The following IQCK variants were observed in gnomAD, a reference collection of about 807,000 sequenced individuals.
The protein encoded by IQCK is IQ domain-containing protein K.
Under a neutral mutation model 28.1 loss-of-function variants are expected in IQCK, and 29 were observed. The ratio of observed to expected loss-of-function variants is 1.03; its 90% CI spans 0.77 to 1.41. The LOEUF (loss-of-function observed/expected upper bound fraction) is 1.41. Ranked by LOEUF, IQCK falls within the 40% of genes most tolerant of loss-of-function variation. IQCK has a pLI of 0.00. For missense variants in IQCK, 359 were observed against 314.7 expected (o/e 1.14, Z -1.07); for synonymous variants, 113 against 115.1 (o/e 0.98, Z 0.12).
intron 6 of IQCK, among the ~76,000 whole-genome samples, chr16:19,767,277 T>C (rs1270868384): frequency 1.3e-5 from 2 of 152,192 alleles, no homozygotes; most frequent in African/African-American, 4.8e-5. Context: ...CCCTCTACCT[T>C]GTTGCGAGGA....
At chr16:19,755,606 G>A (rs907070751) in intron 4 of IQCK, among the ~76,000 whole-genome samples, 8 of 152,148 alleles carry the variant, frequency 5.3e-5, no homozygotes, top group African/African-American at 1.2e-4. Flanking sequence ...AACTAGAACC[G>A]GAACCAGAAC....
chr16:19,852,238 G>A (rs968235891), intron 9 of IQCK, among the ~76,000 whole-genome samples: 1 of 152,042 alleles, frequency 6.6e-6, no homozygotes, highest in Admixed American at 6.6e-5. Flanking sequence ...TTTACCTTTT[G>A]GGGGGTGAAA....
chr16:19,855,500 G>A (rs773152635), intron 9 of IQCK, among the ~76,000 whole-genome samples: 2 of 152,146 alleles, frequency 1.3e-5, no homozygotes, highest in Non-Finnish European at 1.5e-5. Flanking sequence ...CAGGAGAATC[G>A]CTTGAACCTG....
At chr16:19,841,061 T>C (rs1244058044) in intron 9 of IQCK, among the ~76,000 whole-genome samples, 1 of 152,244 alleles carries the variant, frequency 6.6e-6, no homozygotes, top group Non-Finnish European at 1.5e-5. Flanking sequence ...CTAAAGCGTC[T>C]TGCCAGTTTT....
chr16:19,758,324 G>A (rs988491376), intron 4 of IQCK, among the ~76,000 whole-genome samples: 8 of 152,170 alleles, frequency 5.3e-5, no homozygotes, highest in African/African-American at 9.7e-5. Flanking sequence ...TGCACAGCAC[G>A]TCCACGCTTG....
chr16:19,782,996 T>TG (rs1456439078), intron 6 of IQCK, among the ~76,000 whole-genome samples: 27 of 151,124 alleles, frequency 1.8e-4, no homozygotes, highest in Admixed American at 1.1e-3. Flanking sequence ...TTCTTCTTTT[T>TG]TTGTGTGTGT....
intron 4 of IQCK, among the ~76,000 whole-genome samples, chr16:19,757,177 G>A (rs965842670): frequency 1.3e-5 from 2 of 152,142 alleles, no homozygotes; most frequent in African/African-American, 4.8e-5. Flanking sequence ...GCCGTAGCCA[G>A]CCACACTTCA....
intron 9 of IQCK, among the ~76,000 whole-genome samples, chr16:19,849,850 A>G: frequency 6.6e-6 from 1 of 152,174 alleles, no homozygotes; most frequent in Non-Finnish European, 1.5e-5. Context: ...CCCAGTTTAT[A>G]TCTGTTAGGC....
At chr16:19,729,520 A>G (rs980660763) in intron 1 of IQCK, among the ~76,000 whole-genome samples, 7 of 152,004 alleles carry the variant, frequency 4.6e-5, no homozygotes, top group African/African-American at 1.7e-4. Context: ...CATGTTGGCA[A>G]AAGCTGAAGT....
At chr16:19,838,668 G>A (rs940739852) in intron 9 of IQCK, among the ~76,000 whole-genome samples, 4 of 152,210 alleles carry the variant, frequency 2.6e-5, no homozygotes, top group Middle Eastern at 3.4e-3. Flanking sequence ...CCAACTACAC[G>A]CCAGGCACTT....
At chr16:19,764,072 T>G in exon 6 of IQCK, 1 of 1,613,980 alleles carries the variant, frequency 6.2e-7, no homozygotes, top group Non-Finnish European at 8.5e-7. Context: ...ATTCACAGAA[T>G]TTTTCTCCAT....
At chr16:19,740,986 A>G (rs1236668829) in intron 4 of IQCK, among the ~76,000 whole-genome samples, 2 of 151,050 alleles carry the variant, frequency 1.3e-5, no homozygotes, top group Non-Finnish European at 2.9e-5. Context: ...AAAAAAAAGA[A>G]TATCTACAAG....
intron 4 of IQCK, among the ~76,000 whole-genome samples, chr16:19,743,441 A>G (rs557733237): frequency 2.0e-5 from 3 of 152,354 alleles, no homozygotes; most frequent in African/African-American, 7.2e-5. Flanking sequence ...ATTCACAGAC[A>G]ATGGAGAGCC....
chr16:19,748,177 C>G (rs1271400330), intron 4 of IQCK, among the ~76,000 whole-genome samples: 1 of 149,574 alleles, frequency 6.7e-6, no homozygotes, highest in Non-Finnish European at 1.5e-5. Flanking sequence ...CAGGTTCAAG[C>G]AATTCTGGTG....
intron 7 of IQCK, among the ~76,000 whole-genome samples, chr16:19,794,812 T>A: frequency 1.9e-5 from 1 of 53,486 alleles, no homozygotes; most frequent in Middle Eastern, 9.6e-3. Context: ...GCCCATCAAC[T>A]GATGAAAGGA....
chr16:19,732,940 G>A (rs1977887738), intron 2 of IQCK, among the ~76,000 whole-genome samples: 1 of 152,166 alleles, frequency 6.6e-6, no homozygotes, highest in South Asian at 2.1e-4. Flanking sequence ...CCTGAGGGGA[G>A]TGTGGGCAGC....
chr16:19,806,459 G>T (rs1326301952), intron 7 of IQCK, among the ~76,000 whole-genome samples: 1 of 152,022 alleles, frequency 6.6e-6, no homozygotes, highest in African/African-American at 2.4e-5. Flanking sequence ...GCTGAGGCGG[G>T]CAAATCACTT....
At chr16:19,857,964 G>T (rs541641023) in exon 10 of IQCK, 1 of 152,568 alleles carries the variant, frequency 6.6e-6, no homozygotes, top group South Asian at 2.1e-4. Flanking sequence ...GACCCAAAGC[G>T]ATTTTAATAA....
intron 4 of IQCK, among the ~76,000 whole-genome samples, chr16:19,758,960 A>C (rs1313525026): frequency 6.6e-6 from 1 of 152,198 alleles, no homozygotes; most frequent in Non-Finnish European, 1.5e-5. Context: ...TGAGTTTGCC[A>C]TTTCAAACTA....
Sources: gnomAD v4.1 joint callset for allele counts (sites outside exome capture counted in the v4.1 genomes callset) on GRCh38, gnomAD v4.1.1 for gene constraint, MANE v1.5 for transcripts, NCBI Gene and HGNC (gene_info 2026-07-23, HGNC 2026-07-21) for gene names.